ARSB: variants seen among roughly 807,000 people sequenced by gnomAD.
ARSB encodes the protein N-acetylgalactosamine-4-sulfatase.
Under a neutral mutation model 50.9 loss-of-function variants are expected in ARSB, and 41 were observed. The observed-to-expected ratio is 0.81, with a 90% confidence interval of 0.63 to 1.04. ARSB has a LOEUF of 1.04. Among genes scored for constraint, ARSB ranks in the 50% least tolerant of loss-of-function variants. The pLI is 0.00. For missense variants in ARSB, 672 were observed against 693.3 expected (o/e 0.97, Z 0.35); for synonymous variants, 269 against 284.8 (o/e 0.94, Z 0.56).
intron 6 of ARSB, chr5:78,815,961 G>T (rs1580996412): frequency 6.5e-7 from 1 of 1,548,784 alleles, no homozygotes; most frequent in East Asian, 2.4e-5. Context: ...CAGGTTCCTA[G>T]TTCCCGCCTC....
At chr5:78,856,625 T>C (rs1746157632) in intron 5 of ARSB, among the ~76,000 whole-genome samples, 1 of 152,220 alleles carries the variant, frequency 6.6e-6, no homozygotes, top group Non-Finnish European at 1.5e-5. Flanking sequence ...TCTTGCAGAA[T>C]AAACAGTGGC....
intron 6 of ARSB, among the ~76,000 whole-genome samples, chr5:78,805,371 T>C (rs758166032): frequency 6.6e-5 from 10 of 152,224 alleles, no homozygotes; most frequent in Non-Finnish European, 1.2e-4. Flanking sequence ...CTGTTGTGAT[T>C]TTATACCAAG....
At chr5:78,782,649 C>T (rs1748960213) in intron 6 of ARSB, among the ~76,000 whole-genome samples, 1 of 152,144 alleles carries the variant, frequency 6.6e-6, no homozygotes, top group African/African-American at 2.4e-5. Flanking sequence ...CTAATCTCTA[C>T]CACCTCTTAA....
chr5:78,823,902 T>C (rs901433719), intron 6 of ARSB, among the ~76,000 whole-genome samples: 4 of 152,234 alleles, frequency 2.6e-5, no homozygotes, highest in Admixed American at 2.6e-4. Context: ...ATGATATAAT[T>C]TGGATATCTG....
chr5:78,878,030 C>A (rs1262111729), intron 5 of ARSB, among the ~76,000 whole-genome samples: 1 of 151,918 alleles, frequency 6.6e-6, no homozygotes, highest in Admixed American at 6.6e-5. Flanking sequence ...AGAAAAAAAT[C>A]AAAAACCTTA....
intron 4 of ARSB, among the ~76,000 whole-genome samples, chr5:78,900,822 G>T (rs1174475613): frequency 6.6e-6 from 1 of 152,042 alleles, no homozygotes; most frequent in East Asian, 1.9e-4. Context: ...GGCAGATCAC[G>T]AGGTCAGGAG....
chr5:78,903,596 G>A (rs894887513), intron 4 of ARSB, among the ~76,000 whole-genome samples: 1 of 152,078 alleles, frequency 6.6e-6, no homozygotes, highest in East Asian at 1.9e-4. Flanking sequence ...TTTTTTCAGC[G>A]AGGCCTTTTG....
At chr5:78,867,315 C>G (rs1487368215) in intron 5 of ARSB, among the ~76,000 whole-genome samples, 6 of 151,736 alleles carry the variant, frequency 4.0e-5, no homozygotes, top group African/African-American at 7.2e-5. Context: ...TGGAGCCCAC[C>G]ACAGCTCAAG....
intron 5 of ARSB, among the ~76,000 whole-genome samples, chr5:78,866,032 C>T (rs934522985): frequency 2.0e-5 from 3 of 152,202 alleles, no homozygotes. Flanking sequence ...CTGTTCCAAC[C>T]TCTGCCTATT....
In ARSB at chr5:78,847,989, C is replaced by T. The variant is rs566342543; in HGVS notation, c.1143-8563G>A. On this transcript the variant is annotated intron_variant, in intron 5 of 7. Transcript: ENST00000264914. ...CTAATTATTTGTCAGTTTTGTTAAT[C>T]GTTTCAAAAACCAACTTTTAATTTC... 4.6e-5 allele frequency among the ~76,000 whole-genome samples: 7 copies of T among 151,770 alleles called. No individual in the cohort carries two copies. In the East Asian group the frequency reaches 7.7e-4, roughly 17 times the overall value.
intron 4 of ARSB, among the ~76,000 whole-genome samples, chr5:78,909,909 A>C (rs568766499): frequency 1.3e-5 from 2 of 152,186 alleles, no homozygotes; most frequent in African/African-American, 4.8e-5. Context: ...CCGATTGTAC[A>C]TTTGTTCAAT....
rs2112514576 is a variant in ARSB at position 78,964,610 on chromosome 5, C to T, written c.500-4G>A. 9 of 1,612,650 alleles carry T rather than the reference C, an allele frequency of 5.6e-6. No individual in the cohort carries two copies. Among genetic ancestry groups the T allele is most frequent in the Non-Finnish European group, 7.6e-6 (9 of 1,179,698 alleles). On this transcript the variant is annotated splice_region_variant and splice_polypyrimidine_tract_variant and intron_variant, in intron 2 of 7. Transcript: ENST00000264914. ...TCTTCACTACCCAGGAGATATCCTG[C>T]AAGAATGGAAGACGAAAATAGTCAG...
Position 78,953,966 on chromosome 5 carries a change from C to CA in ARSB, c.898+1328dup, listed in dbSNP as rs558145766. ...TCTATAAATTAAAAACAGAACTTCA[C>CA]AAAAAAGGAATTATCAGAAAACACA... is the stretch of plus-strand genomic sequence containing the variant. On this transcript the variant is annotated intron_variant, in intron 4 of 7. Coordinates refer to ENST00000264914, the MANE Select transcript of ARSB (RefSeq NM_000046.5). Among the ~76,000 whole-genome samples, 183 of 151,706 alleles carry CA rather than the reference C, an allele frequency of 1.2e-3. 1 individual carries two copies. The highest frequency in any genetic ancestry group is 2.0e-3 in the Non-Finnish European group (135 of 67,908).
At chr5:78,866,853 C>A (rs1746779174) in intron 5 of ARSB, among the ~76,000 whole-genome samples, 1 of 152,194 alleles carries the variant, frequency 6.6e-6, no homozygotes, top group Non-Finnish European at 1.5e-5. Flanking sequence ...GTCTACGGCT[C>A]CCAGCATGAG....
At chr5:78,863,645 A>C (rs936548478) in intron 5 of ARSB, among the ~76,000 whole-genome samples, 2 of 152,010 alleles carry the variant, frequency 1.3e-5, no homozygotes, top group Non-Finnish European at 2.9e-5. Context: ...ATTAAGAGAA[A>C]TACCTATTGT....
chr5:78,944,522 T>C (rs1020171819), intron 4 of ARSB, among the ~76,000 whole-genome samples: 6 of 152,202 alleles, frequency 3.9e-5, no homozygotes, highest in Non-Finnish European at 7.3e-5. Flanking sequence ...TGCAGGTCTG[T>C]TGGAGTTTGC....
intron 6 of ARSB, among the ~76,000 whole-genome samples, chr5:78,836,906 C>G (rs1470559213): frequency 1.3e-5 from 2 of 152,090 alleles, no homozygotes; most frequent in Admixed American, 1.3e-4. Context: ...GCAGGTATGT[C>G]CTACATGGCT....
chr5:78,792,413 A>C (rs555216658), intron 6 of ARSB, among the ~76,000 whole-genome samples: 1 of 151,720 alleles, frequency 6.6e-6, no homozygotes, highest in Non-Finnish European at 1.5e-5. Context: ...ATTCAAGGCC[A>C]TCCTGGGCCA....
chr5:78,781,854 G>A lies in ARSB; in HGVS notation c.1334C>T (p.Pro445Leu), dbSNP rs1554069775. ...GTTTGCTAAGCTAAGGACTCTACCT[G>A]GGTAGCCCGTGAGGAGTTTCCAATT... is the stretch of plus-strand genomic sequence containing the variant. Reference protein sequence around the residue: ...HGNWKLLTGYPGCGYWFPPPS... With the variant: ...HGNWKLLTGYLGCGYWFPPPS... The change falls in exon 7 of 8, where the codon CCA (proline) becomes CTA (leucine). Residue 445 changes from proline (P) to leucine (L), a missense_variant and splice_region_variant. Pro to Leu is a moderately conservative substitution (Grantham distance 98). Transcript: ENST00000264914. 8.1e-6 allele frequency: 13 copies of A among 1,614,056 alleles called. No individual in the cohort carries two copies. Among genetic ancestry groups the A allele is most frequent in the Admixed American group, 1.7e-5 (1 of 59,996 alleles).
Sources: gnomAD v4.1 joint callset for allele counts (sites outside exome capture counted in the v4.1 genomes callset) on GRCh38, gnomAD v4.1.1 for gene constraint, MANE v1.5 for transcripts, NCBI Gene and HGNC (gene_info 2026-07-23, HGNC 2026-07-21) for gene names.